The following SP140L variants were observed in gnomAD, a reference collection of about 807,000 sequenced individuals.
The protein encoded by SP140L is SP140 like nuclear body protein.
Under a neutral mutation model 84.3 loss-of-function variants are expected in SP140L, and 64 were observed. That is an observed-to-expected ratio of 0.76 (90% CI 0.62 to 0.94). The LOEUF is 0.94. SP140L is among the 40% of genes least tolerant of loss of function. SP140L has a pLI of 0.00. For synonymous variants in SP140L, 242 were observed against 236.9 expected, an observed-to-expected ratio of 1.02 and a Z score of -0.20; for missense variants, 628 against 692.5, an observed-to-expected ratio of 0.91 and a Z score of 1.05.
chr2:230,330,059 C>A (rs538436607), intron 2 of SP140L, among the ~76,000 whole-genome samples: 41 of 152,202 alleles, frequency 2.7e-4, no homozygotes, highest in African/African-American at 9.9e-4. Flanking sequence ...ATCTTGTGTT[C>A]CATGTGCCTG....
At chr2:230,398,302 T>C (rs1220488472) in intron 14 of SP140L, among the ~76,000 whole-genome samples, 2 of 152,170 alleles carry the variant, frequency 1.3e-5, no homozygotes, top group Non-Finnish European at 2.9e-5. Context: ...GACATTAGCA[T>C]TTTATATACT....
intron 2 of SP140L, among the ~76,000 whole-genome samples, chr2:230,334,486 T>G (rs1370358290): frequency 6.6e-6 from 1 of 152,208 alleles, no homozygotes; most frequent in Non-Finnish European, 1.5e-5. Flanking sequence ...CTTAATGAAA[T>G]ACATAGATCG....
chr2:230,391,988 A>G lies in SP140L; in HGVS notation c.965-99A>G, dbSNP rs556457772. 4.6e-6 allele frequency: 7 copies of G among 1,525,506 alleles called. No individual in the cohort carries two copies. In the East Asian group the frequency reaches 9.1e-5, roughly 20 times the overall value. 94.5% of individuals were successfully genotyped at this position (1,525,506 alleles called of 1,614,324 possible). Reference sequence around the variant, plus strand: ...CCAGACCCTCCTGCTATTGATCTTCATCACAAATTGGGTGGCTCTAGATCC... The same window carrying G: ...CCAGACCCTCCTGCTATTGATCTTCGTCACAAATTGGGTGGCTCTAGATCC... On this transcript the variant is annotated intron_variant, in intron 11 of 18. Coordinates refer to ENST00000415673, the MANE Select transcript of SP140L (RefSeq NM_138402.6).
chr2:230,386,533 G>A (rs2061588458), intron 9 of SP140L, among the ~76,000 whole-genome samples: 1 of 152,086 alleles, frequency 6.6e-6, no homozygotes, highest in Non-Finnish European at 1.5e-5. Flanking sequence ...TTATGTTAGG[G>A]TTTCAGTATT....
chr2:230,342,359 G>A (rs868718110), intron 2 of SP140L, among the ~76,000 whole-genome samples: 2 of 152,180 alleles, frequency 1.3e-5, no homozygotes, highest in East Asian at 1.9e-4. Flanking sequence ...GCTCGCGCAC[G>A]GTGCGTGCAC....
At chr2:230,350,814 A>G (rs1457118721) in intron 2 of SP140L, among the ~76,000 whole-genome samples, 1 of 152,192 alleles carries the variant, frequency 6.6e-6, no homozygotes, top group South Asian at 2.1e-4. Context: ...AGAAGGTAAT[A>G]GTGAATCAAG....
chr2:230,332,593 T>C (rs2059756709), intron 2 of SP140L, among the ~76,000 whole-genome samples: 1 of 152,234 alleles, frequency 6.6e-6, no homozygotes, highest in Non-Finnish European at 1.5e-5. Context: ...TTAAATGATG[T>C]TCATAACCAA....
rs143595168 is a variant in SP140L at position 230,402,760 on chromosome 2, T to A, written c.1645-38T>A. The A allele has an allele frequency of 4.8e-4, 721 of 1,511,546 alleles. 5 individuals are homozygous for A. The African/African-American group carries it at 8.6e-3, about 18-fold the overall frequency. The allele number at this position is 1,511,546 out of a possible 1,614,324, so 93.6% of individuals were successfully genotyped here. On this transcript the variant is annotated intron_variant, in intron 18 of 18. Coordinates refer to ENST00000415673, the MANE Select transcript of SP140L (RefSeq NM_138402.6). ...GAAAGGTATCTAATGACACTAATGA[T>A]AAGGAACATCGTTTTTGTCTTTATT...
At chr2:230,397,131 G>A in intron 14 of SP140L, among the ~76,000 whole-genome samples, 1 of 152,210 alleles carries the variant, frequency 6.6e-6, no homozygotes, top group East Asian at 1.9e-4. Flanking sequence ...GGCTGGCCTG[G>A]TGATTAAGGG....
intron 1 of SP140L, among the ~76,000 whole-genome samples, chr2:230,327,973 G>A (rs72992242): frequency 0.089 from 13,490 of 152,186 alleles, 1,020 homozygotes; most frequent in South Asian, 0.2. Flanking sequence ...GTCCCAAGAT[G>A]GGGGATGCCT....
intron 8 of SP140L, among the ~76,000 whole-genome samples, chr2:230,384,419 C>T (rs2061503958): frequency 6.6e-6 from 1 of 152,110 alleles, no homozygotes; most frequent in South Asian, 2.1e-4. Context: ...TCAATGAAGG[C>T]TGTCTTATTT....
intron 15 of SP140L, chr2:230,400,640 G>T: frequency 1.8e-6 from 1 of 547,062 alleles, no homozygotes; most frequent in South Asian, 2.0e-5. Context: ...CCCTGGAGTT[G>T]AAAGCCCAGT....
rs1262157888 is a variant in SP140L at position 230,401,377 on chromosome 2, C to T, written c.1434C>T (p.Phe478=). The T allele has an allele frequency of 1.3e-6, 2 of 1,580,382 alleles. No homozygotes were observed. The highest frequency in any genetic ancestry group is 2.3e-5 in the South Asian group (2 of 86,706). ...MCPEEQLKCE[F]LLLKVYCCSE... ...TCTTTCTTTTGCAGAAATGTGAGTT[C>T]CTCCTCTTGAAAGTCTATTGCTGTT... Residue 478 remains phenylalanine (F), a synonymous_variant, in exon 17 of 19, where the codon TTC becomes TTT. Transcript: ENST00000415673.
At chr2:230,388,504 A>G (rs1490108153) in intron 9 of SP140L, 55 bp from the exon 10 acceptor site, 30 of 1,430,338 alleles carry the variant, frequency 2.1e-5, no homozygotes, top group Non-Finnish European at 2.8e-5. Context: ...AAGCAGCAAT[A>G]TATGTAACAC....
rs377708662 is a variant in SP140L, at chr2:230,382,677, A to AC, written c.638-831dup. ...GAATGAGGCATCATCCCTAGGAATGACCAGGGTCACAACAGAATCCTGAAT... is the reference window on the plus strand; with the variant it reads ...GAATGAGGCATCATCCCTAGGAATGACCCAGGGTCACAACAGAATCCTGAAT... On this transcript the variant is annotated intron_variant, in intron 7 of 18. Coordinates refer to ENST00000415673, the MANE Select transcript of SP140L (RefSeq NM_138402.6). Among the ~76,000 whole-genome samples, 539 of 152,284 alleles carry AC rather than the reference A, an allele frequency of 3.5e-3. 5 individuals are homozygous for AC. The highest frequency in any genetic ancestry group is 0.012 in the African/African-American group (519 of 41,540).
At chr2:230,365,369 A>G (rs74269007) in intron 5 of SP140L, among the ~76,000 whole-genome samples, 18,462 of 151,918 alleles carry the variant, frequency 0.12, 1,152 homozygotes, top group Middle Eastern at 0.15. Context: ...TTGTGTTGGT[A>G]GGTTGTATCT....
chr2:230,375,627 A>G (rs1332526288), intron 7 of SP140L, among the ~76,000 whole-genome samples: 1 of 152,118 alleles, frequency 6.6e-6, no homozygotes, highest in Non-Finnish European at 1.5e-5. Context: ...GTTTTGAGTT[A>G]CATTTCTCTC....
In SP140L at chr2:230,396,763, C is replaced by T; in HGVS notation, c.1162C>T (p.Leu388=). Residue 388 remains leucine, a synonymous_variant, in exon 14 of 19, where the codon CTG becomes TTG. Transcript: ENST00000415673. ...CTTTCTGTTTTTTCAACAGAGAATA[C>T]TGAAGTCTCAAAACAATAGCTCAGT... ...RIYYRNKKRI[L]KSQNNSSVDP... The T allele has an allele frequency of 1.2e-6, 2 of 1,613,944 alleles. No individual in the cohort carries two copies. Among genetic ancestry groups the T allele is most frequent in the Non-Finnish European group, 8.5e-7 (1 of 1,179,880 alleles).
Position 230,350,220 on chromosome 2 carries a change from A to G in SP140L, c.108-7585A>G, listed in dbSNP as rs571848022. ...TTATTTATTCTGAATTTTATATACA[A>G]ATGAAAGACTTTTTTGTTTAATTTA... On this transcript the variant is annotated intron_variant, in intron 2 of 18. Coordinates refer to ENST00000415673, the MANE Select transcript of SP140L (RefSeq NM_138402.6). Among the ~76,000 whole-genome samples the G allele has an allele frequency of 1.9e-3, 289 of 152,298 alleles. 1 individual carries two copies. The highest frequency in any genetic ancestry group is 6.7e-3 in the African/African-American group (278 of 41,552).
Sources: allele counts gnomAD v4.1 joint callset (sites outside exome capture counted in the v4.1 genomes callset), GRCh38; gene constraint gnomAD v4.1.1; transcripts MANE v1.5; gene names NCBI Gene and HGNC (gene_info 2026-07-23, HGNC 2026-07-21).